The following ANK2 variants were observed in gnomAD, a reference collection of about 807,000 sequenced individuals.
ANK2 encodes ankyrin-2.
ANK2 carries 83 observed loss-of-function variants against 360.5 expected under a neutral mutation model. That is an observed-to-expected ratio of 0.23 (90% CI 0.19 to 0.28). The LOEUF (loss-of-function observed/expected upper bound fraction) is 0.28, where lower values mean the gene tolerates loss of function less well. Ranked by LOEUF, ANK2 falls within the 10% of genes least tolerant of loss-of-function variation. The pLI is 1.00. For missense variants in ANK2, 4,201 were observed against 4,795.7 expected, an observed-to-expected ratio of 0.88 and a Z score of 3.66; for synonymous variants, 1,740 against 1,759.5, an observed-to-expected ratio of 0.99 and a Z score of 0.28.
intron 2 of ANK2, among the ~76,000 whole-genome samples, chr4:112,945,004 G>T (rs1281185249): frequency 6.6e-6 from 1 of 152,228 alleles, no homozygotes; most frequent in East Asian, 1.9e-4. Context: ...GTATCAGTTA[G>T]AATGGGCTAC....
chr4:112,705,985 GC>G, the ANK2 span, among the ~76,000 whole-genome samples: 15 of 151,328 alleles, frequency 9.9e-5, no homozygotes, highest in South Asian at 3.1e-3. Context: ...GGGCACAGCC[GC>G]CCCTTCCACT....
chr4:113,258,870 C>T (rs2051004241), intron 13 of ANK2, among the ~76,000 whole-genome samples: 1 of 152,140 alleles, frequency 6.6e-6, no homozygotes, highest in Non-Finnish European at 1.5e-5. Flanking sequence ...AGATCAATAT[C>T]AGAGACTTTT....
intron 1 of ANK2, among the ~76,000 whole-genome samples, chr4:113,075,333 T>C (rs2079466329): frequency 6.6e-6 from 1 of 152,246 alleles, no homozygotes; most frequent in African/African-American, 2.4e-5. Flanking sequence ...TATAGTAATG[T>C]ACTTATGTGT....
In ANK2 at chr4:112,824,957, C is replaced by G. The variant is rs577694497; in HGVS notation, c.-40+6693C>G. Among the ~76,000 whole-genome samples the G allele has an allele frequency of 7.0e-4, 106 of 152,212 alleles. No individual in the cohort carries two copies. The Middle Eastern group carries it at 0.01, about 15-fold the overall frequency. ...ATATATTGATTTAGAAAAATACTATCCACTGTCTTAAGAAAATGTGGCACA... is the reference window on the plus strand; with the variant it reads ...ATATATTGATTTAGAAAAATACTATGCACTGTCTTAAGAAAATGTGGCACA... On this transcript the variant is annotated intron_variant, in intron 1 of 30. Coordinates refer to the ANK2 transcript ENST00000503271.
chr4:113,315,848 G>C (rs1283366115), intron 24 of ANK2, among the ~76,000 whole-genome samples: 1 of 137,344 alleles, frequency 7.3e-6, no homozygotes, highest in Non-Finnish European at 1.5e-5. Flanking sequence ...ACTGAGCCAC[G>C]ATCGCGCCAC....
In ANK2 at chr4:113,357,102, T is replaced by G; in HGVS notation, c.8484T>G (p.Asp2828Glu). 1 of 1,614,094 alleles carries G rather than the reference T, an allele frequency of 6.2e-7. No homozygotes were observed. Among genetic ancestry groups the G allele is most frequent in the Non-Finnish European group, 8.5e-7 (1 of 1,179,974 alleles). Residue 2828 changes from aspartate to glutamate, a missense_variant, in exon 38 of 46, where the codon GAT (aspartate) becomes GAG (glutamate). Asp to Glu is a conservative substitution (Grantham distance 45, BLOSUM62 2). Around this residue, in one of 4 missense-constraint regions of ANK2, gnomAD observed 2,642 missense variants for 2,714.5 expected, o/e 0.97. Coordinates refer to ENST00000357077, the MANE Select transcript of ANK2 (RefSeq NM_001148.6). ...AAGACACAGAGGGAGAAGAGCTTGA[T>G]GTTTCTAGAGCAGAATCTCCACAAG... ...HEKDTEGEELDVSRAESPQAD... is the reference protein window; with the variant it reads ...HEKDTEGEELEVSRAESPQAD...
At chr4:113,077,356 G>A (rs1366704328) in intron 1 of ANK2, among the ~76,000 whole-genome samples, 1 of 152,004 alleles carries the variant, frequency 6.6e-6, no homozygotes, top group Non-Finnish European at 1.5e-5. Flanking sequence ...TTAAATTGTA[G>A]GTGGTTTTAA....
At chr4:113,310,436 T>A (rs1170801991) in intron 23 of ANK2, among the ~76,000 whole-genome samples, 2 of 151,866 alleles carry the variant, frequency 1.3e-5, no homozygotes, top group Non-Finnish European at 2.9e-5. Context: ...TTTTTTTTTT[T>A]AGATGAGTCT....
chr4:113,107,588 T>C (rs2093787411), intron 1 of ANK2, among the ~76,000 whole-genome samples: 1 of 152,210 alleles, frequency 6.6e-6, no homozygotes, highest in Admixed American at 6.5e-5. Flanking sequence ...CCATTCAAAG[T>C]GATCAGCAAT....
At chr4:112,875,442 T>G (rs1318826557) in intron 1 of ANK2, among the ~76,000 whole-genome samples, 2 of 151,990 alleles carry the variant, frequency 1.3e-5, no homozygotes, top group Non-Finnish European at 2.9e-5. Flanking sequence ...CCTCTTGAGT[T>G]GCTTGGACTA....
intron 2 of ANK2, among the ~76,000 whole-genome samples, chr4:112,965,764 A>G (rs2036963120): frequency 6.6e-6 from 1 of 152,182 alleles, no homozygotes; most frequent in Admixed American, 6.5e-5. Context: ...CCTTTGTTGA[A>G]AATGAATTCA....
chr4:112,820,814 A>G (rs1331968434), intron 1 of ANK2, among the ~76,000 whole-genome samples: 1 of 152,150 alleles, frequency 6.6e-6, no homozygotes, highest in Non-Finnish European at 1.5e-5. Context: ...ATCATAGCTC[A>G]TGTAACCTTA....
intron 17 of ANK2, among the ~76,000 whole-genome samples, chr4:113,282,135 T>C (rs984318183): frequency 1.3e-5 from 2 of 152,178 alleles, no homozygotes; most frequent in African/African-American, 2.4e-5. Flanking sequence ...TTCCATTTGA[T>C]TCTTTATGTT....
chr4:112,871,123 G>T (rs969811041), intron 1 of ANK2, among the ~76,000 whole-genome samples: 1 of 151,824 alleles, frequency 6.6e-6, no homozygotes, highest in Middle Eastern at 3.2e-3. Flanking sequence ...AAGTGTTTAA[G>T]AATAGGACTG....
chr4:113,358,239 A>G lies in ANK2; in HGVS notation c.9621A>G (p.Ser3207=). The change falls in exon 38 of 46, where the codon TCA becomes TCG. Residue 3207 remains serine, a synonymous_variant. Coordinates refer to ENST00000357077, the MANE Select transcript of ANK2 (RefSeq NM_001148.6). ...DAQLNSQMGI[S]ASTETPTKEA... ...AACTTAACTCCCAAATGGGGATTTC[A>G]GCCTCCACTGAAACACCTACAAAAG... 1 of 1,614,122 alleles carries G rather than the reference A, an allele frequency of 6.2e-7. No homozygotes were observed. Among genetic ancestry groups the G allele is most frequent in the Non-Finnish European group, 8.5e-7 (1 of 1,179,970 alleles).
At chr4:113,056,026 C>T in intron 1 of ANK2, among the ~76,000 whole-genome samples, 1 of 152,094 alleles carries the variant, frequency 6.6e-6, no homozygotes, top group South Asian at 2.1e-4. Flanking sequence ...GCAGCATTCC[C>T]AAAAGAAGGG....
At chr4:113,249,385 T>C (rs1209881249) in intron 9 of ANK2, among the ~76,000 whole-genome samples, 1 of 152,230 alleles carries the variant, frequency 6.6e-6, no homozygotes, top group South Asian at 2.1e-4. Context: ...ATCCCTGTTT[T>C]CGGTTCCAGG....
intron 2 of ANK2, among the ~76,000 whole-genome samples, chr4:113,192,841 C>G (rs933138974): frequency 8.0e-5 from 12 of 150,710 alleles, no homozygotes; most frequent in Admixed American, 2.6e-4. Flanking sequence ...TTCCGAAGAC[C>G]AATTTTTACA....
intron 1 of ANK2, among the ~76,000 whole-genome samples, chr4:113,119,502 A>G (rs1301373470): frequency 6.6e-6 from 1 of 151,974 alleles, no homozygotes; most frequent in African/African-American, 2.4e-5. Flanking sequence ...ACATACCTTC[A>G]TGATAGTTCA....
Sources: gnomAD v4.1 joint callset for allele counts (sites outside exome capture counted in the v4.1 genomes callset) on GRCh38, gnomAD v4.1.1 for gene constraint, gnomAD v4.1.1 regional missense constraint, MANE v1.5 for transcripts, NCBI Gene and HGNC (gene_info 2026-07-23, HGNC 2026-07-21) for gene names.